Variants in ANKS3 observed in about 807,000 individuals in gnomAD.
ANKS3 encodes ankyrin repeat and sterile alpha motif domain containing 3, also known as ankyrin repeat and SAM domain-containing protein 3.
ANKS3 carries 62 observed loss-of-function variants against 80.7 expected under a neutral mutation model. The ratio of observed to expected loss-of-function variants is 0.77; its 90% CI spans 0.63 to 0.95. The LOEUF is 0.95. ANKS3 is among the 40% of genes least tolerant of loss of function. The pLI, the probability that ANKS3 is intolerant of heterozygous loss-of-function variation, is 0.00. For synonymous variants in ANKS3, 489 were observed against 355.3 expected (o/e 1.38, Z -4.23); for missense variants, 1,150 against 883.6 (o/e 1.30, Z -3.82).
intron 6 of ANKS3, among the ~76,000 whole-genome samples, chr16:4,716,571 C>T (rs1015325255): frequency 4.6e-5 from 7 of 152,018 alleles, no homozygotes; most frequent in South Asian, 2.1e-4. Flanking sequence ...GAGTGCCCCC[C>T]ATCCTACTTT....
rs370551605 is a variant in ANKS3 at position 4,727,113 on chromosome 16, T to C, written c.235A>G (p.Ile79Val). 1.2e-6 allele frequency: 2 copies of C among 1,614,214 alleles called. No homozygotes were observed. The highest frequency in any genetic ancestry group is 1.7e-6 in the Non-Finnish European group (2 of 1,180,040). ...AGGTGCACGATTGTGTCGTGGCCAA[T>C]GTAGGAGGCATACATCAGCGGGGTC... is the stretch of plus-strand genomic sequence containing the variant. ...GWTPLMYASYIGHDTIVHLLL... is the reference protein window; with the variant it reads ...GWTPLMYASYVGHDTIVHLLL... Residue 79 changes from isoleucine (I) to valine (V), a missense_variant, in exon 4 of 18, where the codon ATT (isoleucine) becomes GTT (valine). Ile to Val is a conservative substitution (Grantham distance 29, BLOSUM62 3). Coordinates refer to ENST00000304283, the MANE Select transcript of ANKS3 (RefSeq NM_133450.4).
At chr16:4,715,341 CCTT>C (rs1225963547) in intron 6 of ANKS3, among the ~76,000 whole-genome samples, 3 of 152,194 alleles carry the variant, frequency 2.0e-5, no homozygotes, top group Admixed American at 6.6e-5. Context: ...CTGTAACTGT[CCTT>C]CTCTCCTGTC....
intron 6 of ANKS3, among the ~76,000 whole-genome samples, chr16:4,721,584 CT>C (rs1567417129): frequency 6.6e-6 from 1 of 151,134 alleles, no homozygotes; most frequent in Non-Finnish European, 1.5e-5. Context: ...CCACTCCAGC[CT>C]GAGGGACAGA....
At chr16:4,722,094 G>T (rs1355461292) in intron 6 of ANKS3, among the ~76,000 whole-genome samples, 1 of 151,330 alleles carries the variant, frequency 6.6e-6, no homozygotes, top group Admixed American at 6.6e-5. Flanking sequence ...AGGCAGGGTG[G>T]GGGACAGGCC....
chr16:4,726,345 G>T (rs2081350815), intron 5 of ANKS3, among the ~76,000 whole-genome samples: 1 of 152,192 alleles, frequency 6.6e-6, no homozygotes, highest in Non-Finnish European at 1.5e-5. Context: ...GAATTTGCAT[G>T]TAATGTATGA....
intron 7 of ANKS3, among the ~76,000 whole-genome samples, chr16:4,707,848 C>T (rs960273935): frequency 5.3e-5 from 8 of 152,044 alleles, no homozygotes; most frequent in Admixed American, 2.0e-4. Context: ...CGGTGGCTCA[C>T]GCCTGTAATC....
At chr16:4,699,006 T>G (rs201052203) in intron 12 of ANKS3, 46 bp downstream of exon 12, 24 of 1,614,082 alleles carry the variant, frequency 1.5e-5, no homozygotes, top group East Asian at 1.3e-4. Context: ...AGTGGGAGTT[T>G]GCCCCAACCC....
At chr16:4,720,757 T>G (rs1350384457) in intron 6 of ANKS3, among the ~76,000 whole-genome samples, 1 of 149,754 alleles carries the variant, frequency 6.7e-6, no homozygotes, top group African/African-American at 2.4e-5. Context: ...CTGACCAACA[T>G]GCCGAAACCC....
rs993362865 is a variant in ANKS3 at position 4,714,365 on chromosome 16, C to T, written c.574-179G>A. The T allele has an allele frequency of 1.8e-5, 16 of 868,794 alleles. No individual in the cohort carries two copies. The African/African-American group carries it at 2.4e-4, about 13-fold the overall frequency. The allele number at this position is 868,794 out of a possible 1,614,324, so 53.8% of individuals were successfully genotyped here. A position where few individuals can be genotyped will look rare whatever the true frequency, so the allele number is the denominator to read the frequency against. Reference sequence around the variant, plus strand: ...GTCTGCACCGCAGCCACAAGTTTTGCTCTCACTCTCTTCTTAGGGACAAGG... The same window carrying T: ...GTCTGCACCGCAGCCACAAGTTTTGTTCTCACTCTCTTCTTAGGGACAAGG... On this transcript the variant is annotated intron_variant, in intron 6 of 17. Transcript: ENST00000304283.
intron 7 of ANKS3, among the ~76,000 whole-genome samples, chr16:4,706,375 CA>C (rs1341069021): frequency 2.6e-5 from 4 of 151,754 alleles, no homozygotes; most frequent in Non-Finnish European, 4.4e-5. Context: ...GGACTACAGG[CA>C]CCCGGCCACC....
At chr16:4,696,952 C>T (rs761025904) in intron 17 of ANKS3, 56 bp from the exon 18 acceptor site, 16 of 1,513,602 alleles carry the variant, frequency 1.1e-5, no homozygotes, top group Non-Finnish European at 1.5e-5. Flanking sequence ...CATACCCACA[C>T]CTGCAGCCGC....
chr16:4,702,035 G>A (rs1325219615), intron 9 of ANKS3, 67 bp downstream of exon 9: 1 of 1,492,190 alleles, frequency 6.7e-7, no homozygotes, highest in Non-Finnish European at 8.9e-7. Context: ...GGGATAAGTG[G>A]GGATGGGCAC....
chr16:4,729,689 CTTGT>C (rs1718910098), intron 3 of ANKS3: 2 of 220,452 alleles, frequency 9.1e-6, no homozygotes, highest in South Asian at 1.8e-4. Flanking sequence ...TTTTATTTTG[CTTGT>C]TTGTTTGGGC....
rs1357924001 is a variant in ANKS3 at position 4,696,779 on chromosome 16, G to A, written c.*129C>T. 1.8e-5 allele frequency: 10 copies of A among 567,980 alleles called. No individual in the cohort carries two copies. Among genetic ancestry groups the A allele is most frequent in the South Asian group, 1.0e-4 (5 of 48,956 alleles). 35.2% of individuals were successfully genotyped at this position (567,980 alleles called of 1,614,324 possible). ...TTGCCTCTGTCTGCCGGCTGCTCCC[G>A]GGGCCTGATCCTCTGGCCCCCACTG... On this transcript the variant is annotated 3_prime_UTR_variant, in exon 18 of 18. Transcript: ENST00000304283.
chr16:4,734,159 T>G lies in ANKS3; in HGVS notation c.-292A>C. ...GCCGGGCCGCCGCGGAACCCACCTGTGCTGGGCCTCAGGCCTTGCGCCGCC... is the reference window on the plus strand; with the variant it reads ...GCCGGGCCGCCGCGGAACCCACCTGGGCTGGGCCTCAGGCCTTGCGCCGCC... On this transcript the variant is annotated 5_prime_UTR_variant, in exon 1 of 18. Coordinates refer to ENST00000304283, the MANE Select transcript of ANKS3 (RefSeq NM_133450.4). 1 of 428,340 alleles carries G rather than the reference T, an allele frequency of 2.3e-6. No individual in the cohort carries two copies. Among genetic ancestry groups the G allele is most frequent in the Non-Finnish European group, 3.1e-6 (1 of 320,682 alleles). The allele number at this position is 428,340 out of a possible 1,614,324, so 26.5% of individuals were successfully genotyped here. A position where few individuals can be genotyped will look rare whatever the true frequency, so the allele number is the denominator to read the frequency against.
chr16:4,719,712 T>C (rs765280923), intron 6 of ANKS3, among the ~76,000 whole-genome samples: 3 of 151,678 alleles, frequency 2.0e-5, no homozygotes, highest in Non-Finnish European at 2.9e-5. Flanking sequence ...GGCAGAAGGA[T>C]TACTTCAGCC....
chr16:4,711,373 G>C (rs868615883), intron 7 of ANKS3, among the ~76,000 whole-genome samples: 1 of 151,702 alleles, frequency 6.6e-6, no homozygotes, highest in African/African-American at 2.4e-5. Context: ...AAAGTGCTGA[G>C]ATTATAGGCA....
intron 8 of ANKS3, among the ~76,000 whole-genome samples, 198 bp downstream of exon 8, chr16:4,704,897 G>A (rs936205651): frequency 6.6e-6 from 1 of 152,226 alleles, no homozygotes; most frequent in South Asian, 2.1e-4. Context: ...AAAAACAAGA[G>A]CTAGTCCGTG....
At position 4,701,959 on chromosome 16, in the gene ANKS3, C is replaced by G. The variant is rs556583318; in HGVS notation, c.1009+143G>C. ...AGCTTCTCCCATTCCTCACAAGAAC[C>G]AGGGCCGTCCACACCTACCCCTTTC... On this transcript the variant is annotated intron_variant, in intron 9 of 17. Coordinates refer to ENST00000304283, the MANE Select transcript of ANKS3 (RefSeq NM_133450.4). The G allele has an allele frequency of 1.0e-5, 11 of 1,060,138 alleles. No individual in the cohort carries two copies. In the East Asian group the frequency reaches 3.0e-4, roughly 29 times the overall value. 65.7% of individuals were successfully genotyped at this position (1,060,138 alleles called of 1,614,324 possible).
Sources: allele counts gnomAD v4.1 joint callset (sites outside exome capture counted in the v4.1 genomes callset), GRCh38; gene constraint gnomAD v4.1.1; transcripts MANE v1.5; gene names NCBI Gene and HGNC (gene_info 2026-07-23, HGNC 2026-07-21).